Variants in DST observed in about 807,000 individuals in gnomAD.
The protein encoded by DST is dystonin, also known as bullous pemphigoid antigen.
DST carries 253 observed loss-of-function variants against 875.2 expected under a neutral mutation model. That is an observed-to-expected ratio of 0.29 (90% confidence interval 0.26 to 0.32). DST has a LOEUF of 0.32. Among genes scored for constraint, DST ranks in the 10% least tolerant of loss-of-function variants. DST has a pLI of 1.00. For missense variants in DST, 8,287 were observed against 9,111.6 expected (o/e 0.91, Z 3.68); for synonymous variants, 3,124 against 3,197.1 (o/e 0.98, Z 0.77).
intron 36 of DST, chr6:56,616,748 T>C (rs2098629016): frequency 1.2e-6 from 2 of 1,614,200 alleles, no homozygotes; most frequent in East Asian, 4.5e-5. Context: ...ATGTTTACCT[T>C]TTTGTCTGTC....
chr6:56,891,174 T>C (rs1787208469), intron 3 of DST, among the ~76,000 whole-genome samples: 1 of 152,148 alleles, frequency 6.6e-6, no homozygotes, highest in Non-Finnish European at 1.5e-5. Context: ...TGCACAGGAA[T>C]TGTGTGAGAC....
At chr6:56,795,197 T>C (rs1220423563) in intron 4 of DST, among the ~76,000 whole-genome samples, 1 of 151,788 alleles carries the variant, frequency 6.6e-6, no homozygotes, top group African/African-American at 2.4e-5. Context: ...CAGGAGTCCA[T>C]AAAAGCAGAA....
intron 15 of DST, among the ~76,000 whole-genome samples, chr6:56,644,338 G>A (rs1437122240): frequency 6.6e-6 from 1 of 152,110 alleles, no homozygotes; most frequent in Non-Finnish European, 1.5e-5. Flanking sequence ...AATGTAATCA[G>A]TAATTTAATA....
At position 56,458,967 on chromosome 6, in the gene DST, T is replaced by C. The variant is rs758066256; in HGVS notation, c.*38A>G. 6.7e-7 allele frequency: 1 copy of C among 1,501,602 alleles called. No homozygotes were observed. Among genetic ancestry groups the C allele is most frequent in the Non-Finnish European group, 8.9e-7 (1 of 1,123,528 alleles). The allele number at this position is 1,501,602 out of a possible 1,614,324, so 93.0% of individuals were successfully genotyped here. A position where few individuals can be genotyped will look rare whatever the true frequency, so the allele number is the denominator to read the frequency against. The stretch of plus-strand genomic sequence containing the variant: ...TTTTACATCGTTCAAACTTAAATAA[T>C]AAATGCTCAAGGAAGGGCCTTGGTA... On this transcript the variant is annotated 3_prime_UTR_variant, in exon 104 of 104. Transcript: ENST00000680361.
At chr6:56,560,189 T>A (rs2097514570) in intron 58 of DST, 105 bp downstream of exon 58, 1 of 1,157,628 alleles carries the variant, frequency 8.6e-7, no homozygotes, top group South Asian at 2.4e-5. Flanking sequence ...TTAAAGCAAA[T>A]CCAAAAATAA....
intron 2 of DST, among the ~76,000 whole-genome samples, chr6:56,942,912 G>C (rs116359770): frequency 6.6e-6 from 1 of 151,750 alleles, no homozygotes; most frequent in Non-Finnish European, 1.5e-5. Flanking sequence ...GTATAGACAA[G>C]GTTTTGCTAT....
At chr6:56,820,535 C>A (rs1253395611) in intron 4 of DST, among the ~76,000 whole-genome samples, 1 of 152,140 alleles carries the variant, frequency 6.6e-6, no homozygotes, top group African/African-American at 2.4e-5. Flanking sequence ...TTGTTTACAT[C>A]TAGTCCATCT....
At chr6:56,854,095 C>A (rs552644686) in intron 3 of DST, among the ~76,000 whole-genome samples, 2 of 152,126 alleles carry the variant, frequency 1.3e-5, no homozygotes, top group East Asian at 3.9e-4. Flanking sequence ...CCCATTTGAA[C>A]CCTGAAAATT....
rs1300738118 is a variant in DST, at chr6:56,617,240, C to G, written c.4930-2756G>C. ...ATCCCTGACTGAACATGCATGATCA[C>G]CATCAAAGTTCTGGAAGGTCTCTGG... On this transcript the variant is annotated intron_variant, in intron 36 of 103. Transcript: ENST00000680361. The G allele has an allele frequency of 1.9e-6, 3 of 1,607,804 alleles. No homozygotes were observed. The African/African-American group carries it at 4.0e-5, about 22-fold the overall frequency.
At chr6:56,591,823 A>C (rs181729807) in intron 49 of DST, among the ~76,000 whole-genome samples, 2 of 152,010 alleles carry the variant, frequency 1.3e-5, no homozygotes, top group Middle Eastern at 3.4e-3. Flanking sequence ...AAATACAAAA[A>C]TTAGCGCCTG....
At chr6:56,566,466 CT>C (rs1384945985) in intron 55 of DST, among the ~76,000 whole-genome samples, 2 of 152,190 alleles carry the variant, frequency 1.3e-5, no homozygotes, top group Non-Finnish European at 2.9e-5. Flanking sequence ...TTTCCGACCC[CT>C]TGTGCTTCCG....
At position 56,843,487 on chromosome 6, in the gene DST, G is replaced by C. The variant is rs1019434855; in HGVS notation, c.625+7910C>G. 17 of 990,048 alleles carry C rather than the reference G, an allele frequency of 1.7e-5. No homozygotes were observed. The African/African-American group carries it at 2.8e-4, about 16-fold the overall frequency. The allele number at this position is 990,048 out of a possible 1,614,324, so 61.3% of individuals were successfully genotyped here. ...AGCGGAGGAGCGGGGCGTGCGGCGA[G>C]GGCGGGCGGGGGCCGGCGGGCGCCC... On this transcript the variant is annotated intron_variant, in intron 4 of 103. Transcript: ENST00000680361.
intron 26 of DST, 67 bp from the exon 27 acceptor site, chr6:56,634,325 C>CT: frequency 6.2e-7 from 1 of 1,611,444 alleles, no homozygotes; most frequent in Non-Finnish European, 8.5e-7. Flanking sequence ...TGCAATTTTT[C>CT]TTTTTGTGTG....
Position 56,607,033 on chromosome 6 carries a change from C to T in DST, c.7595G>A (p.Gly2532Asp). ...HNDKYISNTS[G>D]EDEKTHPGFQ... ...ACCTGGATGTGTTTTTTCATCCTCA[C>T]CAGAAGTATTTGAAATGTATTTATC... Residue 2532 changes from glycine (G) to aspartate (D), a missense_variant, in exon 40 of 104, where the codon GGT (glycine) becomes GAT (aspartate). Transcript: ENST00000680361. 1 of 1,613,350 alleles carries T rather than the reference C, an allele frequency of 6.2e-7. No individual in the cohort carries two copies. Among genetic ancestry groups the T allele is most frequent in the Non-Finnish European group, 8.5e-7 (1 of 1,179,596 alleles).
At chr6:56,616,332 C>G in intron 36 of DST, 1 of 1,613,716 alleles carries the variant, frequency 6.2e-7, no homozygotes, top group African/African-American at 1.3e-5. Context: ...AAAAACATAG[C>G]TTCCTTCCAC....
intron 49 of DST, among the ~76,000 whole-genome samples, chr6:56,583,432 T>C (rs1035485010): frequency 2.0e-5 from 3 of 152,220 alleles, no homozygotes; most frequent in Admixed American, 6.5e-5. Flanking sequence ...TGCCCACTTT[T>C]TGATGGGGTT....
At chr6:56,858,623 A>C (rs1472842306) in intron 3 of DST, among the ~76,000 whole-genome samples, 1 of 152,198 alleles carries the variant, frequency 6.6e-6, no homozygotes, top group African/African-American at 2.4e-5. Flanking sequence ...TATCTTGACT[A>C]TCATGAATAA....
Position 56,607,646 on chromosome 6 carries a change from T to C in DST, c.6982A>G (p.Ile2328Val), listed in dbSNP as rs757052319. 1 of 1,613,492 alleles carries C rather than the reference T, an allele frequency of 6.2e-7. No homozygotes were observed. The highest frequency in any genetic ancestry group is 8.5e-7 in the Non-Finnish European group (1 of 1,179,676). The change falls in exon 40 of 104, where the codon ATT (isoleucine) becomes GTT (valine). Residue 2328 changes from isoleucine to valine, a missense_variant. Transcript: ENST00000680361. ...GGTGAACTGTTAACTTTAGGATCAA[T>C]TGATATTGTACTTGCCAGTTTTCCT... ...QSGKLASTIS[I>V]DPKVNSSPSV... is the part of the protein sequence containing the mutation.
intron 49 of DST, among the ~76,000 whole-genome samples, chr6:56,590,322 T>G (rs1376811656): frequency 6.6e-6 from 1 of 152,184 alleles, no homozygotes; most frequent in Non-Finnish European, 1.5e-5. Flanking sequence ...TCTGCTCTAG[T>G]TATATAAAAA....
Sources: allele counts gnomAD v4.1 joint callset (sites outside exome capture counted in the v4.1 genomes callset), GRCh38; gene constraint gnomAD v4.1.1; transcripts MANE v1.5; gene names NCBI Gene and HGNC (gene_info 2026-07-23, HGNC 2026-07-21).